Variants in PCGF5 observed in about 807,000 individuals in gnomAD.
The protein encoded by PCGF5 is polycomb group RING finger protein 5.
A neutral mutation model predicts 44.3 loss-of-function variants in PCGF5; 9 were observed. The observed-to-expected ratio is 0.20, with a 90% CI of 0.12 to 0.35. The LOEUF is 0.35. Ranked by LOEUF, PCGF5 falls within the 10% of genes least tolerant of loss-of-function variation. The probability of loss-of-function intolerance (pLI) is 1.00; values close to 1 mark genes in which losing one functional copy is unlikely to be tolerated. For missense variants in PCGF5, 146 were observed against 305.3 expected, an observed-to-expected ratio of 0.48 and a Z score of 3.89; for synonymous variants, 95 against 102.5, an observed-to-expected ratio of 0.93 and a Z score of 0.44.
chr10:91,237,742 TA>T (rs11402069), intron 2 of PCGF5, among the ~76,000 whole-genome samples: 250 of 143,572 alleles, frequency 1.7e-3, no homozygotes, highest in East Asian at 7.7e-3. Context: ...AGAATCCATC[TA>T]AAAAAAAAAA....
At chr10:91,231,198 T>A (rs1401254841) in intron 2 of PCGF5, among the ~76,000 whole-genome samples, 1 of 152,202 alleles carries the variant, frequency 6.6e-6, no homozygotes, top group Non-Finnish European at 1.5e-5. Context: ...TCCTAACCAT[T>A]GTGTTCTCAT....
At chr10:91,260,355 G>A (rs1200370924) in intron 6 of PCGF5, among the ~76,000 whole-genome samples, 4 of 152,200 alleles carry the variant, frequency 2.6e-5, no homozygotes, top group Non-Finnish European at 5.9e-5. Context: ...CTTTTACACC[G>A]TTGGTGGGAC....
chr10:91,261,077 G>T (rs1845898257), intron 6 of PCGF5, among the ~76,000 whole-genome samples: 1 of 151,780 alleles, frequency 6.6e-6, no homozygotes, highest in African/African-American at 2.4e-5. Context: ...GAGGTAAGCA[G>T]ATTGCCTATT....
chr10:91,249,790 A>C (rs1018315352), intron 5 of PCGF5, among the ~76,000 whole-genome samples: 1 of 151,950 alleles, frequency 6.6e-6, no homozygotes, highest in African/African-American at 2.4e-5. Flanking sequence ...CAACAACAAC[A>C]AAAAAATGGC....
In PCGF5 at chr10:91,263,465, C is replaced by A. The variant is rs535185241; in HGVS notation, c.574-966C>A. On this transcript the variant is annotated intron_variant, in intron 7 of 9. Coordinates refer to ENST00000336126, the MANE Select transcript of PCGF5 (RefSeq NM_032373.5). ...TACAATTAACTGAAACTATACTCAT[C>A]TTAAAGTTCAAAACTGTAGTCTCTG... Among the ~76,000 whole-genome samples the A allele has an allele frequency of 1.2e-4, 19 of 152,280 alleles. No homozygotes were observed. The East Asian group carries it at 2.9e-3, about 23-fold the overall frequency.
chr10:91,241,582 T>C (rs1845328360), intron 3 of PCGF5, among the ~76,000 whole-genome samples: 2 of 151,954 alleles, frequency 1.3e-5, no homozygotes, highest in African/African-American at 4.8e-5. Context: ...ATCACCTGTG[T>C]GATCTTTAAG....
intron 1 of PCGF5, among the ~76,000 whole-genome samples, chr10:91,210,554 A>G (rs762402419): frequency 1.2e-4 from 19 of 152,314 alleles, no homozygotes; most frequent in Non-Finnish European, 2.1e-4. Context: ...AGTGGTTGCT[A>G]TAGAAGCACA....
intron 2 of PCGF5, among the ~76,000 whole-genome samples, chr10:91,237,862 A>G (rs1198777190): frequency 6.6e-6 from 1 of 152,136 alleles, no homozygotes; most frequent in Non-Finnish European, 1.5e-5. Context: ...GTGGAATAAG[A>G]TACTGCATCT....
chr10:91,165,274 G>C (rs1283094595), intron 1 of PCGF5, among the ~76,000 whole-genome samples: 1 of 152,228 alleles, frequency 6.6e-6, no homozygotes, highest in Non-Finnish European at 1.5e-5. Context: ...TCAAGAGAAA[G>C]TATGTTACTA....
chr10:91,248,041 G>T (rs1437126550), intron 3 of PCGF5, among the ~76,000 whole-genome samples: 1 of 152,084 alleles, frequency 6.6e-6, no homozygotes, highest in Non-Finnish European at 1.5e-5. Flanking sequence ...GGGCAGCTTG[G>T]CTCTCTTCTA....
chr10:91,185,914 C>T (rs185529488), intron 1 of PCGF5, among the ~76,000 whole-genome samples: 3 of 148,980 alleles, frequency 2.0e-5, no homozygotes, highest in Admixed American at 2.0e-4. Context: ...TGATTAGTCC[C>T]AATGCAGGTA....
the PCGF5 span, among the ~76,000 whole-genome samples, chr10:91,156,796 T>C: frequency 6.6e-6 from 1 of 152,166 alleles, no homozygotes; most frequent in Non-Finnish European, 1.5e-5. Flanking sequence ...GAATTATCCA[T>C]CTCTTCCGAA....
intron 2 of PCGF5, among the ~76,000 whole-genome samples, chr10:91,226,652 G>T (rs561209940): frequency 8.6e-4 from 131 of 152,198 alleles, no homozygotes; most frequent in African/African-American, 3.1e-3. Context: ...GAGAAATTCT[G>T]GATCCAGCAC....
chr10:91,254,630 G>A (rs1356742045), intron 6 of PCGF5, among the ~76,000 whole-genome samples: 1 of 151,954 alleles, frequency 6.6e-6, no homozygotes, highest in Non-Finnish European at 1.5e-5. Flanking sequence ...TCATTCCTCT[G>A]CAGTAGGATG....
chr10:91,276,015 C>G (rs1846304315), intron 9 of PCGF5, among the ~76,000 whole-genome samples: 1 of 149,458 alleles, frequency 6.7e-6, no homozygotes, highest in African/African-American at 2.5e-5. Flanking sequence ...AGCACCGTAC[C>G]AAATGGTATG....
At position 91,278,630 on chromosome 10, in the gene PCGF5, T is replaced by G; in HGVS notation, c.*314T>G. ...AATATTTTGCTTGCCTGTTCCAAGA[T>G]TGTTCTAATGTTTAATTACACTAGT... On this transcript the variant is annotated 3_prime_UTR_variant, in exon 10 of 10. Transcript: ENST00000336126. 1 of 315,894 alleles carries G rather than the reference T, an allele frequency of 3.2e-6. No homozygotes were observed. The highest frequency in any genetic ancestry group is 5.8e-6 in the Non-Finnish European group (1 of 171,938). 19.6% of individuals were successfully genotyped at this position (315,894 alleles called of 1,614,324 possible).
At chr10:91,205,914 C>T (rs4933653) in intron 1 of PCGF5, among the ~76,000 whole-genome samples, 34,403 of 151,796 alleles carry the variant, frequency 0.23, 4,909 homozygotes, top group Non-Finnish European at 0.3. Context: ...TGCTTGAACA[C>T]GGGAGGCTGA....
At chr10:91,261,937 A>G (rs903627241) in intron 7 of PCGF5, among the ~76,000 whole-genome samples, 1 of 152,260 alleles carries the variant, frequency 6.6e-6, no homozygotes. Context: ...GTTTATTTAC[A>G]GAAGAGGTAA....
At chr10:91,226,158 G>T (rs1844830079) in intron 2 of PCGF5, among the ~76,000 whole-genome samples, 1 of 151,908 alleles carries the variant, frequency 6.6e-6, no homozygotes, top group Non-Finnish European at 1.5e-5. Flanking sequence ...AAAATATAAA[G>T]ATTTTCGTCT....
Sources: gnomAD v4.1 joint callset for allele counts (sites outside exome capture counted in the v4.1 genomes callset) on GRCh38, gnomAD v4.1.1 for gene constraint, MANE v1.5 for transcripts, NCBI Gene and HGNC (gene_info 2026-07-23, HGNC 2026-07-21) for gene names.